Variants in KHDC1 observed in about 807,000 individuals in gnomAD.
KHDC1 encodes the protein KH domain containing 1, also known as KH homology domain-containing protein 1.
A neutral mutation model predicts 24.7 loss-of-function variants in KHDC1; 21 were observed. That is an observed-to-expected ratio of 0.85 (90% confidence interval 0.60 to 1.23). The LOEUF (loss-of-function observed/expected upper bound fraction) is 1.23, where lower values mean the gene tolerates loss of function less well. KHDC1 is among the 50% of genes most tolerant of loss of function. The pLI, the probability that KHDC1 is intolerant of heterozygous loss-of-function variation, is 0.00. For missense variants in KHDC1, 274 were observed against 298.5 expected, an observed-to-expected ratio of 0.92 and a Z score of 0.61; for synonymous variants, 98 against 111.7, an observed-to-expected ratio of 0.88 and a Z score of 0.77.
intron 1 of KHDC1, among the ~76,000 whole-genome samples, chr6:73,304,490 G>A (rs941834): frequency 0.26 from 39,034 of 151,996 alleles, 6,383 homozygotes; most frequent in Admixed American, 0.39. Flanking sequence ...TAATAGAGGC[G>A]GGGTCTCACT....
chr6:73,267,229 C>T (rs1423889913), intron 2 of KHDC1, among the ~76,000 whole-genome samples: 1 of 152,138 alleles, frequency 6.6e-6, no homozygotes, highest in African/African-American at 2.4e-5. Context: ...CCTGTAATCC[C>T]AGCACTCTAG....
At chr6:73,278,090 C>T (rs1400156360) in intron 2 of KHDC1, among the ~76,000 whole-genome samples, 1 of 145,376 alleles carries the variant, frequency 6.9e-6, no homozygotes, top group Non-Finnish European at 1.5e-5. Context: ...CAGCTCACTG[C>T]GACCTCCGCC....
intron 1 of KHDC1, among the ~76,000 whole-genome samples, chr6:73,308,732 C>T (rs1768021243): frequency 6.6e-6 from 1 of 151,442 alleles, no homozygotes. Context: ...TGGGCTCAAG[C>T]GATCCTCCCA....
chr6:73,271,983 CTCT>C (rs1235284718), intron 2 of KHDC1, among the ~76,000 whole-genome samples: 1 of 150,562 alleles, frequency 6.6e-6, no homozygotes, highest in Non-Finnish European at 1.5e-5. Flanking sequence ...GAAAAATCAA[CTCT>C]TTATAGTGTA....
At chr6:73,295,561 C>G (rs1298961480) in intron 1 of KHDC1, among the ~76,000 whole-genome samples, 1 of 152,002 alleles carries the variant, frequency 6.6e-6, no homozygotes, top group Non-Finnish European at 1.5e-5. Flanking sequence ...TAAAAACACA[C>G]ACAGCTGGGC....
intron 2 of KHDC1, among the ~76,000 whole-genome samples, chr6:73,249,095 C>A (rs548318515): frequency 4.6e-5 from 7 of 151,914 alleles, no homozygotes; most frequent in Non-Finnish European, 1.0e-4. Context: ...AATTATTAAC[C>A]CTTGAGTGAA....
rs190720364 is a variant in KHDC1, at chr6:73,287,420, A to G, written c.206+4578T>C. Among the ~76,000 whole-genome samples, 8 of 152,336 alleles carry G rather than the reference A, an allele frequency of 5.3e-5. No individual in the cohort carries two copies. The East Asian group carries it at 1.5e-3, about 29-fold the overall frequency. ...AATGACTAAGGAAAAATACCTGGGC[A>G]GCCAACAAGGGTACTATTCAATCTG... On this transcript the variant is annotated intron_variant, in intron 2 of 4. Coordinates refer to ENST00000370384, the Ensembl canonical transcript of KHDC1.
At chr6:73,250,155 G>C (rs1384584961) in intron 2 of KHDC1, among the ~76,000 whole-genome samples, 1 of 152,184 alleles carries the variant, frequency 6.6e-6, no homozygotes, top group East Asian at 1.9e-4. Context: ...CTGGCTCACA[G>C]TTGCAGTTTT....
chr6:73,262,674 C>T (rs1171184679), intron 2 of KHDC1, 100 bp downstream of exon 1: 4 of 912,816 alleles, frequency 4.4e-6, no homozygotes, highest in Non-Finnish European at 5.2e-6. Context: ...TCTCCTGTTT[C>T]CCCTGTTTTT....
At chr6:73,288,473 T>C (rs1582580345) in intron 2 of KHDC1, among the ~76,000 whole-genome samples, 2 of 152,050 alleles carry the variant, frequency 1.3e-5, no homozygotes, top group African/African-American at 2.4e-5. Context: ...ATACAAACAT[T>C]AGCTGAGCAT....
chr6:73,241,512 G>A (rs1766565007), exon 5 of KHDC1: 1 of 1,610,536 alleles, frequency 6.2e-7, no homozygotes, highest in Admixed American at 1.7e-5. Flanking sequence ...CACTTCCCAG[G>A]GGAGATCAGT....
rs377534797 is a variant in KHDC1, at chr6:73,242,527, C to G, written c.210G>C (p.Ser70=). The change falls in exon 3 of 5, where the codon TCG becomes TCC. Residue 70 remains serine (S), a synonymous_variant. Transcript: ENST00000370384. Reference sequence around the variant, plus strand: ...TCGTTCCCATGTCCATGCTCTGCTCCGACCTGATACAGAATAGGGCCAAGT... The same window carrying G: ...TCGTTCCCATGTCCATGCTCTGCTCGGACCTGATACAGAATAGGGCCAAGT... 7.4e-6 allele frequency: 12 copies of G among 1,613,942 alleles called. No homozygotes were observed. The African/African-American group carries it at 1.5e-4, about 20-fold the overall frequency.
intron 1 of KHDC1, among the ~76,000 whole-genome samples, chr6:73,295,555 AAC>A (rs1280685107): frequency 2.0e-5 from 3 of 151,984 alleles, no homozygotes; most frequent in African/African-American, 7.2e-5. Context: ...TCTCTTTAAA[AAC>A]ACACACAGCT....
intron 1 of KHDC1, among the ~76,000 whole-genome samples, chr6:73,308,076 T>A (rs1355241788): frequency 6.9e-6 from 1 of 145,568 alleles, no homozygotes; most frequent in African/African-American, 2.5e-5. Context: ...GCTAATTTTT[T>A]TTTTTTTTTT....
intron 2 of KHDC1, among the ~76,000 whole-genome samples, chr6:73,252,811 T>G (rs1766805335): frequency 6.7e-6 from 1 of 148,248 alleles, no homozygotes; most frequent in African/African-American, 2.6e-5. Context: ...AGTGAGACTC[T>G]ACCTCAAAAA....
chr6:73,242,013 C>T (rs1766578950), intron 4 of KHDC1, 42 bp downstream of exon 3: 2 of 1,571,160 alleles, frequency 1.3e-6, no homozygotes, highest in African/African-American at 2.7e-5. Context: ...GCCAGAACTC[C>T]ACCACCAAGT....
At chr6:73,276,767 T>G (rs930276684) in intron 2 of KHDC1, among the ~76,000 whole-genome samples, 1 of 152,232 alleles carries the variant, frequency 6.6e-6, no homozygotes, top group Non-Finnish European at 1.5e-5. Context: ...CCTCCTTTTT[T>G]GCACCTGTAG....
intron 1 of KHDC1, among the ~76,000 whole-genome samples, chr6:73,305,354 T>A (rs1767945066): frequency 6.6e-6 from 1 of 152,106 alleles, no homozygotes; most frequent in Admixed American, 6.6e-5. Flanking sequence ...ATCTATTTTG[T>A]ATTCACTACA....
At chr6:73,265,528 C>CAAAAAAAA (rs70994179) in intron 2 of KHDC1, among the ~76,000 whole-genome samples, 9 of 74,502 alleles carry the variant, frequency 1.2e-4, no homozygotes, top group African/African-American at 2.1e-4. Context: ...GACTCCGTCT[C>CAAAAAAAA]AAAAAAAAAA....
Sources: allele counts gnomAD v4.1 joint callset (sites outside exome capture counted in the v4.1 genomes callset), GRCh38; gene constraint gnomAD v4.1.1; transcripts MANE v1.5; gene names NCBI Gene and HGNC (gene_info 2026-07-23, HGNC 2026-07-21).